CDH12: variants seen among roughly 807,000 people sequenced by gnomAD.
CDH12 encodes the protein cadherin-12.
Under a neutral mutation model 74.1 loss-of-function variants are expected in CDH12, and 41 were observed. The ratio of observed to expected loss-of-function variants is 0.55; its 90% CI spans 0.43 to 0.72. The LOEUF is 0.72. Among genes scored for constraint, CDH12 ranks in the 30% least tolerant of loss-of-function variants. The pLI is 0.00. For missense variants in CDH12, 945 were observed against 977.2 expected (o/e 0.97, Z 0.44); for synonymous variants, 399 against 355.0 (o/e 1.12, Z -1.39).
intron 10 of CDH12, among the ~76,000 whole-genome samples, chr5:21,790,047 T>C (rs2149906241): frequency 6.6e-6 from 1 of 152,236 alleles, no homozygotes; most frequent in Middle Eastern, 3.4e-3. Context: ...CAATTATTTC[T>C]GATTTGATGA....
chr5:21,948,146 G>C (rs1192442815), intron 6 of CDH12, among the ~76,000 whole-genome samples: 1 of 152,204 alleles, frequency 6.6e-6, no homozygotes, highest in African/African-American at 2.4e-5. Context: ...AGTGCAGAAG[G>C]GAAATGTGGG....
At chr5:22,220,496 T>C (rs1751975509) in intron 3 of CDH12, among the ~76,000 whole-genome samples, 1 of 151,780 alleles carries the variant, frequency 6.6e-6, no homozygotes, top group Non-Finnish European at 1.5e-5. Flanking sequence ...AAAGGAAGAT[T>C]ATTCATCATG....
chr5:21,883,064 G>C, intron 6 of CDH12: 2 of 1,610,652 alleles, frequency 1.2e-6, no homozygotes, highest in South Asian at 2.2e-5. Context: ...TTAAAAAGCA[G>C]TCTAAACCTG....
At position 22,771,099 on chromosome 5, in the gene CDH12, A is replaced by G. The variant is rs976308389; in HGVS notation, c.-523+81959T>C. 1.1e-4 allele frequency among the ~76,000 whole-genome samples: 16 copies of G among 152,234 alleles called. No homozygotes were observed. In the East Asian group the frequency reaches 2.3e-3, roughly 22 times the overall value. ...AACAACCTAAAAGTAATACAGATGA[A>G]CGAATTTTATTTAATGATAAGACTA... On this transcript the variant is annotated intron_variant, in intron 1 of 14. Coordinates refer to ENST00000382254, the MANE Select transcript of CDH12 (RefSeq NM_004061.5).
intron 3 of CDH12, among the ~76,000 whole-genome samples, chr5:22,236,772 G>A (rs1357659424): frequency 6.6e-6 from 1 of 151,890 alleles, no homozygotes; most frequent in Non-Finnish European, 1.5e-5. Context: ...AAAAAGAACT[G>A]AGACACAAAC....
chr5:22,267,241 T>C (rs1312366924), intron 3 of CDH12, among the ~76,000 whole-genome samples: 1 of 152,180 alleles, frequency 6.6e-6, no homozygotes, highest in Non-Finnish European at 1.5e-5. Flanking sequence ...TCTTGGAGAA[T>C]CTACTTGAAT....
chr5:22,603,932 A>C (rs1295896286), intron 1 of CDH12, among the ~76,000 whole-genome samples: 2 of 152,196 alleles, frequency 1.3e-5, no homozygotes, highest in East Asian at 3.9e-4. Context: ...ATAATCCAGA[A>C]GAGGAGTGAT....
chr5:22,663,521 T>C (rs1033233953), intron 1 of CDH12, among the ~76,000 whole-genome samples: 3 of 152,194 alleles, frequency 2.0e-5, no homozygotes, highest in Admixed American at 2.0e-4. Flanking sequence ...TAGGCTATTA[T>C]GAAAAATAGA....
chr5:22,264,891 A>C (rs1753652015), intron 3 of CDH12, among the ~76,000 whole-genome samples: 1 of 152,206 alleles, frequency 6.6e-6, no homozygotes, highest in African/African-American at 2.4e-5. Context: ...GCAATGTGTT[A>C]TAGGCCTGTC....
intron 4 of CDH12, among the ~76,000 whole-genome samples, chr5:22,146,450 A>G (rs1305725922): frequency 3.3e-5 from 5 of 152,158 alleles, no homozygotes; most frequent in Non-Finnish European, 7.4e-5. Context: ...AGTTGTTAAC[A>G]CAAAATGAAT....
In CDH12 at chr5:22,752,697, T is replaced by G. The variant is rs4351108; in HGVS notation, c.-523+100361A>C. Among the ~76,000 whole-genome samples the G allele has an allele frequency of 5.1e-5, 4 of 78,898 alleles. 1 individual carries two copies. The South Asian group carries it at 1.3e-3, about 25-fold the overall frequency. 51.8% of individuals were successfully genotyped at this position (78,898 alleles called of 152,430 possible). On this transcript the variant is annotated intron_variant, in intron 1 of 14. Transcript: ENST00000382254. ...CGCCATTCTCCTGCCTCAGCCTCCC[T>G]AGTAGCTGGGACTACAGGCGCCCGC...
chr5:22,635,537 T>C (rs1738794256), intron 1 of CDH12, among the ~76,000 whole-genome samples: 1 of 152,190 alleles, frequency 6.6e-6, no homozygotes, highest in African/African-American at 2.4e-5. Context: ...CATCATGAAG[T>C]AAGTGAAAAG....
intron 3 of CDH12, among the ~76,000 whole-genome samples, chr5:22,281,545 G>A (rs1258814394): frequency 1.3e-5 from 2 of 152,044 alleles, no homozygotes; most frequent in Non-Finnish European, 2.9e-5. Flanking sequence ...TAAAATCAAC[G>A]TGCAAAAATC....
chr5:21,928,412 A>T (rs1470795942), intron 6 of CDH12, among the ~76,000 whole-genome samples: 1 of 152,192 alleles, frequency 6.6e-6, no homozygotes, highest in Non-Finnish European at 1.5e-5. Context: ...GTCATGCAAG[A>T]CTCCAGTGCT....
rs542693878 is a variant in CDH12 at position 22,154,097 on chromosome 5, G to A, written c.-187+58401C>T. Reference sequence around the variant, plus strand: ...TGATGCTTTTCTGTTCAGCTTTAATGAGGTGTAATGACAAAAAAATTGAAT... The same window carrying A: ...TGATGCTTTTCTGTTCAGCTTTAATAAGGTGTAATGACAAAAAAATTGAAT... On this transcript the variant is annotated intron_variant, in intron 4 of 14. Transcript: ENST00000382254. 4.3e-4 allele frequency among the ~76,000 whole-genome samples: 54 copies of A among 126,250 alleles called. 2 individuals are homozygous for A. The South Asian group carries it at 0.013, about 31-fold the overall frequency. 82.8% of individuals were successfully genotyped at this position (126,250 alleles called of 152,430 possible).
Position 22,595,180 on chromosome 5 carries a change from T to C in CDH12, c.-522-89816A>G, listed in dbSNP as rs1445475481. Reference sequence around the variant, plus strand: ...TTATTCCTTTATACACTATATTTTATATGGTGTTGGTTCTCTCTGATGCTG... The same window carrying C: ...TTATTCCTTTATACACTATATTTTACATGGTGTTGGTTCTCTCTGATGCTG... On this transcript the variant is annotated intron_variant, in intron 1 of 14. Coordinates refer to ENST00000382254, the MANE Select transcript of CDH12 (RefSeq NM_004061.5). Among the ~76,000 whole-genome samples, 4 of 152,218 alleles carry C rather than the reference T, an allele frequency of 2.6e-5. No homozygotes were observed. The East Asian group carries it at 7.7e-4, about 29-fold the overall frequency.
At chr5:22,726,129 C>G (rs1371874417) in intron 1 of CDH12, among the ~76,000 whole-genome samples, 2 of 151,692 alleles carry the variant, frequency 1.3e-5, no homozygotes, top group Non-Finnish European at 3.0e-5. Context: ...TACAATGACA[C>G]ATATTCATCA....
At chr5:21,889,671 A>G (rs1340148781) in intron 6 of CDH12, 1 of 985,068 alleles carries the variant, frequency 1.0e-6, no homozygotes, top group Non-Finnish European at 1.2e-6. Flanking sequence ...TGAATGCTGA[A>G]CAAAATCAGA....
rs544706137 is a variant in CDH12, at chr5:22,297,673, A to G, written c.-332-85030T>C. On this transcript the variant is annotated intron_variant, in intron 3 of 14. Transcript: ENST00000382254. The stretch of plus-strand genomic sequence containing the variant: ...TTATGAAGTACATTCAATGGGATTA[A>G]AATATTTTTCAAATATTGTTTTAGG... 7.2e-5 allele frequency among the ~76,000 whole-genome samples: 11 copies of G among 152,324 alleles called. No homozygotes were observed. In the South Asian group the frequency reaches 1.7e-3, roughly 23 times the overall value.
Sources: allele counts gnomAD v4.1 joint callset (sites outside exome capture counted in the v4.1 genomes callset), GRCh38; gene constraint gnomAD v4.1.1; transcripts MANE v1.5; gene names NCBI Gene and HGNC (gene_info 2026-07-23, HGNC 2026-07-21).